PKHD1L1: variants seen among roughly 807,000 people sequenced by gnomAD.
The protein encoded by PKHD1L1 is fibrocystin-L.
PKHD1L1 carries 434 observed loss-of-function variants against 462.9 expected under a neutral mutation model. The ratio of observed to expected loss-of-function variants is 0.94; its 90% CI spans 0.87 to 1.02. The LOEUF is 1.02. Among genes scored for constraint, PKHD1L1 ranks in the 50% least tolerant of loss-of-function variants. The probability of loss-of-function intolerance (pLI) is 0.00; values close to 1 mark genes in which losing one functional copy is unlikely to be tolerated. For missense variants in PKHD1L1, 5,202 were observed against 5,096.1 expected, an observed-to-expected ratio of 1.02 and a Z score of -0.63; for synonymous variants, 1,781 against 1,750.0, an observed-to-expected ratio of 1.02 and a Z score of -0.44.
chr8:109,409,242 A>G (rs1409743906), intron 18 of PKHD1L1, among the ~76,000 whole-genome samples: 2 of 151,800 alleles, frequency 1.3e-5, no homozygotes, highest in African/African-American at 2.4e-5. Context: ...AGCTTACAGT[A>G]TATGCATGTA....
intron 2 of PKHD1L1, among the ~76,000 whole-genome samples, chr8:109,374,628 G>C (rs1811706400): frequency 6.6e-6 from 1 of 152,202 alleles, no homozygotes; most frequent in Non-Finnish European, 1.5e-5. Context: ...TGTTTTTACA[G>C]TGGCTGGTAT....
chr8:109,443,655 G>T (rs767532074), intron 36 of PKHD1L1, 21 bp from the exon 37 acceptor site: 3 of 1,567,902 alleles, frequency 1.9e-6, no homozygotes, highest in African/African-American at 1.4e-5. Flanking sequence ...ATGACTTAAC[G>T]GGCAGTTCTT....
chr8:109,403,632 C>G (rs901446092), intron 14 of PKHD1L1, among the ~76,000 whole-genome samples: 3 of 152,110 alleles, frequency 2.0e-5, no homozygotes, highest in Non-Finnish European at 4.4e-5. Flanking sequence ...AGCTGATGAG[C>G]AGGTTCTTAT....
chr8:109,444,548 TA>T (rs35472310), intron 37 of PKHD1L1, 112 bp from the exon 38 acceptor site: 343,141 of 987,640 alleles, frequency 0.35, 61,567 homozygotes, highest in Admixed American at 0.51. Context: ...GAATAAAAGA[TA>T]TTTATTTGCA....
At chr8:109,407,863 T>C (rs1813640484) in intron 17 of PKHD1L1, among the ~76,000 whole-genome samples, 186 bp from the exon 18 acceptor site, 1 of 152,148 alleles carries the variant, frequency 6.6e-6, no homozygotes, top group Non-Finnish European at 1.5e-5. Context: ...ATGCTATGGA[T>C]AAATCTGCTC....
At chr8:109,418,537 T>A (rs73700884) in intron 21 of PKHD1L1, among the ~76,000 whole-genome samples, 1,838 of 152,334 alleles carry the variant, frequency 0.012, 38 homozygotes, top group African/African-American at 0.042. Context: ...CCAATGCAGT[T>A]ATGATTTAAT....
At chr8:109,441,572 C>T (rs1815797095) in intron 34 of PKHD1L1, among the ~76,000 whole-genome samples, 193 bp downstream of exon 34, 1 of 152,112 alleles carries the variant, frequency 6.6e-6, no homozygotes, top group South Asian at 2.1e-4. Flanking sequence ...GTCTAGAAGG[C>T]CATACTTTGC....
At chr8:109,524,035 C>T (rs914178415) in intron 76 of PKHD1L1, among the ~76,000 whole-genome samples, 1 of 152,138 alleles carries the variant, frequency 6.6e-6, no homozygotes, top group African/African-American at 2.4e-5. Context: ...AGGTTGATGA[C>T]ACAACTCTGA....
At chr8:109,454,670 T>C (rs1400904893) in intron 44 of PKHD1L1, 53 bp from the exon 45 acceptor site, 1 of 1,596,914 alleles carries the variant, frequency 6.3e-7, no homozygotes, top group Non-Finnish European at 8.6e-7. Context: ...GTGATTAGAA[T>C]TGTGGATTTG....
intron 2 of PKHD1L1, among the ~76,000 whole-genome samples, chr8:109,374,283 G>T (rs1258984225): frequency 6.6e-6 from 1 of 152,108 alleles, no homozygotes; most frequent in Non-Finnish European, 1.5e-5. Flanking sequence ...TTTGATCTTT[G>T]TTGGTTTAAA....
chr8:109,497,215 G>A lies in PKHD1L1; in HGVS notation c.10542G>A (p.Met3514Ile). The A allele has an allele frequency of 1.9e-6, 3 of 1,613,432 alleles. No homozygotes were observed. Among genetic ancestry groups the A allele is most frequent in the South Asian group, 1.1e-5 (1 of 91,046 alleles). The stretch of plus-strand genomic sequence containing the variant: ...ACAATGGAATGGCCATTTTTCCAAT[G>A]ATTTACATGCCAGCTGCTATATCAC... ...LVDNGMAIFP[M>I]IYMPAAISHK... Residue 3514 changes from methionine (M) to isoleucine (I), a missense_variant, in exon 65 of 78, where the codon ATG becomes ATA. Met to Ile is a conservative substitution (Grantham distance 10). Transcript: ENST00000378402.
At chr8:109,420,221 C>A (rs545526444) in intron 22 of PKHD1L1, among the ~76,000 whole-genome samples, 14 of 152,202 alleles carry the variant, frequency 9.2e-5, no homozygotes, top group African/African-American at 3.4e-4. Context: ...TGCAGGAAAC[C>A]CAGGGATTGG....
chr8:109,483,536 T>C (rs555964538), intron 57 of PKHD1L1, among the ~76,000 whole-genome samples: 32 of 64,914 alleles, frequency 4.9e-4, no homozygotes, highest in Admixed American at 1.2e-3. Flanking sequence ...TTAATATATA[T>C]GTAAGTCATA....
chr8:109,476,015 T>A (rs1454184410), intron 51 of PKHD1L1, among the ~76,000 whole-genome samples: 1 of 152,142 alleles, frequency 6.6e-6, no homozygotes, highest in Non-Finnish European at 1.5e-5. Flanking sequence ...GTAGCCAGTA[T>A]CCTGAATTGG....
chr8:109,384,392 A>T (rs530207959), intron 5 of PKHD1L1, among the ~76,000 whole-genome samples: 1 of 152,126 alleles, frequency 6.6e-6, no homozygotes, highest in Admixed American at 6.5e-5. Context: ...AAAATAAATA[A>T]ATTAGCCAGG....
chr8:109,425,255 A>T (rs761891963), intron 24 of PKHD1L1, 23 bp downstream of exon 24: 1 of 1,551,926 alleles, frequency 6.4e-7, no homozygotes, highest in South Asian at 1.3e-5. Flanking sequence ...AATTTAAAAT[A>T]TTGGTGTATA....
intron 2 of PKHD1L1, among the ~76,000 whole-genome samples, chr8:109,373,214 C>T (rs1443293386): frequency 2.0e-5 from 3 of 152,122 alleles, no homozygotes; most frequent in Non-Finnish European, 4.4e-5. Flanking sequence ...GATTCAACTT[C>T]TTCCTGGTTT....
chr8:109,522,869 G>A lies in PKHD1L1; in HGVS notation c.12309G>A (p.Ser4103=), dbSNP rs770372188. The part of the protein sequence containing the change: ...QPGQPFPQQP[S]VKATDSDGNC... The stretch of plus-strand genomic sequence containing the variant: ...GACAGCCATTTCCTCAGCAGCCTTC[G>A]GTAAAGGCAACAGATTCTGACGTAA... The change falls in exon 75 of 78, where the codon TCG becomes TCA. Residue 4103 remains serine (S), a synonymous_variant. Coordinates refer to ENST00000378402, the MANE Select transcript of PKHD1L1 (RefSeq NM_177531.6). 11 of 1,607,834 alleles carry A rather than the reference G, an allele frequency of 6.8e-6. No homozygotes were observed. Among genetic ancestry groups the A allele is most frequent in the Admixed American group, 1.7e-5 (1 of 58,334 alleles).
intron 63 of PKHD1L1, among the ~76,000 whole-genome samples, chr8:109,496,549 TAC>T (rs1819095741): frequency 6.6e-6 from 1 of 152,234 alleles, no homozygotes; most frequent in Non-Finnish European, 1.5e-5. Context: ...CAAATAAGTA[TAC>T]AGTTATTTTA....
Sources: allele counts gnomAD v4.1 joint callset (sites outside exome capture counted in the v4.1 genomes callset), GRCh38; gene constraint gnomAD v4.1.1; transcripts MANE v1.5; gene names NCBI Gene and HGNC (gene_info 2026-07-23, HGNC 2026-07-21).